Variants in UVRAG observed in about 807,000 individuals in gnomAD.
The protein encoded by UVRAG is UV radiation resistance associated, also known as UV radiation resistance-associated gene protein.
Under a neutral mutation model 78.0 loss-of-function variants are expected in UVRAG, and 19 were observed. The observed-to-expected ratio is 0.24, with a 90% CI of 0.17 to 0.36. The LOEUF is 0.36. Among genes scored for constraint, UVRAG ranks in the 10% least tolerant of loss-of-function variants. The pLI is 1.00. For missense variants in UVRAG, 740 were observed against 853.8 expected, an observed-to-expected ratio of 0.87 and a Z score of 1.66; for synonymous variants, 323 against 324.6, an observed-to-expected ratio of 1.00 and a Z score of 0.05.
Position 75,983,662 on chromosome 11 carries a change from G to A in UVRAG, c.826+149G>A, listed in dbSNP as rs549586435. On this transcript the variant is annotated intron_variant, in intron 8 of 14. Transcript: ENST00000356136. ...ATATATTCTGGAAATGCATCCTTTG[G>A]TGATTTCCTTGCTGAGCTGCCATCA... 64 of 1,123,726 alleles carry A rather than the reference G, an allele frequency of 5.7e-5. No individual in the cohort carries two copies. In the East Asian group the frequency reaches 1.6e-3, roughly 28 times the overall value. 69.6% of individuals were successfully genotyped at this position (1,123,726 alleles called of 1,614,324 possible). A position where few individuals can be genotyped will look rare whatever the true frequency, so the allele number is the denominator to read the frequency against.
intron 12 of UVRAG, among the ~76,000 whole-genome samples, chr11:76,061,124 A>C (rs1366542158): frequency 6.6e-6 from 1 of 152,166 alleles, no homozygotes; most frequent in Non-Finnish European, 1.5e-5. Flanking sequence ...TTGTAAACAC[A>C]CCAATCAGCA....
chr11:76,057,971 TTTG>T (rs1554984570), intron 12 of UVRAG, among the ~76,000 whole-genome samples: 16 of 152,150 alleles, frequency 1.1e-4, no homozygotes, highest in African/African-American at 3.4e-4. Flanking sequence ...TGTGGTTTTT[TTTG>T]TTGTTGTTGT....
intron 7 of UVRAG, among the ~76,000 whole-genome samples, chr11:75,974,652 C>T (rs959481469): frequency 2.0e-5 from 3 of 152,124 alleles, no homozygotes; most frequent in Non-Finnish European, 4.4e-5. Flanking sequence ...AGGCGTGAGC[C>T]ACCGCGCCCG....
At chr11:75,966,296 A>G (rs1364567195) in intron 7 of UVRAG, among the ~76,000 whole-genome samples, 1 of 151,950 alleles carries the variant, frequency 6.6e-6, no homozygotes, top group Non-Finnish European at 1.5e-5. Context: ...TGCTTTGGTA[A>G]TAATTTAAGG....
Position 75,843,006 on chromosome 11 carries a change from A to C in UVRAG, c.118-8877A>C, listed in dbSNP as rs1945949978. On this transcript the variant is annotated intron_variant, in intron 1 of 14. Coordinates refer to ENST00000356136, the MANE Select transcript of UVRAG (RefSeq NM_003369.4). ...GCAAGTGATCCAGCAAGGGAGGGTG[A>C]ATGGGAGCCATTTCCTTGTCTTTGG... Among the ~76,000 whole-genome samples, 3 of 152,182 alleles carry C rather than the reference A, an allele frequency of 2.0e-5. No homozygotes were observed. In the South Asian group the frequency reaches 6.2e-4, roughly 32 times the overall value.
At chr11:75,828,731 G>GTATATATATATATACACACACATA (rs1945578726) in intron 1 of UVRAG, among the ~76,000 whole-genome samples, 1 of 110,822 alleles carries the variant, frequency 9.0e-6, no homozygotes, top group African/African-American at 3.7e-5. Flanking sequence ...ATGTGTGTGT[G>GTATATATATATATACACACACATA]TATATATATA....
At chr11:76,003,736 C>T (rs1949867958) in intron 8 of UVRAG, among the ~76,000 whole-genome samples, 1 of 152,134 alleles carries the variant, frequency 6.6e-6, no homozygotes, top group African/African-American at 2.4e-5. Flanking sequence ...TGCTGACCAT[C>T]TTTCTCAGTC....
intron 12 of UVRAG, among the ~76,000 whole-genome samples, chr11:76,051,578 A>T (rs1281217965): frequency 6.6e-6 from 1 of 152,050 alleles, no homozygotes; most frequent in Non-Finnish European, 1.5e-5. Context: ...AGGAGGGGGG[A>T]TTATTTTTAA....
At chr11:76,073,792 T>C (rs1452942239) in intron 13 of UVRAG, among the ~76,000 whole-genome samples, 7 of 152,164 alleles carry the variant, frequency 4.6e-5, no homozygotes, top group Non-Finnish European at 7.4e-5. Context: ...CTTAATGAGG[T>C]TGGGAGTAGT....
chr11:76,104,026 T>A (rs1951929220), intron 13 of UVRAG, among the ~76,000 whole-genome samples: 1 of 152,060 alleles, frequency 6.6e-6, no homozygotes, highest in African/African-American at 2.4e-5. Context: ...AAACAAAATC[T>A]TAAACAACTT....
At chr11:75,922,426 G>A (rs1201669707) in intron 6 of UVRAG, among the ~76,000 whole-genome samples, 1 of 151,684 alleles carries the variant, frequency 6.6e-6, no homozygotes, top group Non-Finnish European at 1.5e-5. Flanking sequence ...TATTGCTATT[G>A]TTTTTTTAAG....
chr11:75,874,366 A>G (rs953152125), intron 3 of UVRAG, among the ~76,000 whole-genome samples: 2 of 152,174 alleles, frequency 1.3e-5, no homozygotes, highest in Admixed American at 1.3e-4. Context: ...AAGTGACCTT[A>G]GGCAAGAAGA....
At chr11:76,118,271 T>C (rs749878563) in intron 14 of UVRAG, among the ~76,000 whole-genome samples, 8 of 152,240 alleles carry the variant, frequency 5.3e-5, no homozygotes, top group Non-Finnish European at 8.8e-5. Context: ...TTTGAGAGTG[T>C]GTTCTGGCTA....
At chr11:76,084,125 C>A (rs540416064) in intron 13 of UVRAG, among the ~76,000 whole-genome samples, 1 of 152,282 alleles carries the variant, frequency 6.6e-6, no homozygotes, top group Admixed American at 6.5e-5. Flanking sequence ...TCATCATTTG[C>A]TTTATAGTAA....
chr11:76,092,120 GA>G (rs1951710571), intron 13 of UVRAG, among the ~76,000 whole-genome samples: 1 of 152,112 alleles, frequency 6.6e-6, no homozygotes, highest in African/African-American at 2.4e-5. Flanking sequence ...AGTTTGCTGA[GA>G]ATGATGGTTT....
At chr11:75,830,847 G>A (rs1189194467) in intron 1 of UVRAG, among the ~76,000 whole-genome samples, 2 of 152,100 alleles carry the variant, frequency 1.3e-5, no homozygotes. Flanking sequence ...GTTAATTTTT[G>A]AGTTTCTACC....
intron 5 of UVRAG, among the ~76,000 whole-genome samples, chr11:75,898,999 C>T (rs899517301): frequency 6.6e-6 from 1 of 152,090 alleles, no homozygotes. Flanking sequence ...TAACAAAGAG[C>T]TGGATATGGT....
At chr11:76,106,844 G>A (rs1951981123) in intron 13 of UVRAG, among the ~76,000 whole-genome samples, 1 of 152,268 alleles carries the variant, frequency 6.6e-6, no homozygotes, top group Non-Finnish European at 1.5e-5. Flanking sequence ...TGAACAGCAT[G>A]AATATCTACA....
At chr11:75,860,594 TCAGTTAATGGTTGGAATA>T (rs1946396315) in intron 2 of UVRAG, among the ~76,000 whole-genome samples, 1 of 152,220 alleles carries the variant, frequency 6.6e-6, no homozygotes, top group Non-Finnish European at 1.5e-5. Context: ...GTTTGTATTG[TCAGTTAATGGTTGGAATA>T]ATTGGTTAAC....
Sources: gnomAD v4.1 joint callset for allele counts (sites outside exome capture counted in the v4.1 genomes callset) on GRCh38, gnomAD v4.1.1 for gene constraint, MANE v1.5 for transcripts, NCBI Gene and HGNC (gene_info 2026-07-23, HGNC 2026-07-21) for gene names.